PCDH15: variants seen among roughly 807,000 people sequenced by gnomAD.
The protein encoded by PCDH15 is protocadherin-15.
In PCDH15, 129 loss-of-function variants were observed where a neutral mutation model predicts 178.5. The observed-to-expected ratio is 0.72, with a 90% CI of 0.63 to 0.84. The LOEUF is 0.84. PCDH15 is among the 40% of genes least tolerant of loss of function. The pLI is 0.00. For missense variants in PCDH15, 2,230 were observed against 2,099.9 expected (o/e 1.06, Z -1.21); for synonymous variants, 800 against 732.0 (o/e 1.09, Z -1.50).
chr10:55,197,673 T>G (rs1840131235), intron 1 of PCDH15, among the ~76,000 whole-genome samples: 1 of 152,098 alleles, frequency 6.6e-6, no homozygotes, highest in African/African-American at 2.4e-5. Context: ...TTTTTTATCA[T>G]CCACTTCTAC....
chr10:54,684,810 T>TATAGA (rs148213097), intron 1 of PCDH15, among the ~76,000 whole-genome samples: 77,428 of 151,274 alleles, frequency 0.51, 20,572 homozygotes, highest in Non-Finnish European at 0.6. Context: ...TGTTATTTCC[T>TATAGA]ATAGTAGTGT....
intron 1 of PCDH15, among the ~76,000 whole-genome samples, chr10:55,307,250 C>T (rs1040685410): frequency 1.3e-4 from 20 of 151,946 alleles, no homozygotes; most frequent in African/African-American, 4.8e-4. Context: ...CGTCTGTAAT[C>T]CCAGCACTTT....
chr10:55,131,497 C>T (rs1838044612), intron 2 of PCDH15, among the ~76,000 whole-genome samples: 2 of 152,184 alleles, frequency 1.3e-5, no homozygotes, highest in African/African-American at 2.4e-5. Context: ...GTTTGTGTTA[C>T]AGCTCTTTCA....
intron 2 of PCDH15, among the ~76,000 whole-genome samples, chr10:54,936,322 G>A (rs1591794025): frequency 6.6e-6 from 1 of 151,960 alleles, no homozygotes; most frequent in Non-Finnish European, 1.5e-5. Context: ...TGACTATTAT[G>A]AATGACAATG....
chr10:55,538,216 G>A (rs2132071600), intron 2 of PCDH15, among the ~76,000 whole-genome samples: 1 of 152,186 alleles, frequency 6.6e-6, no homozygotes, highest in Non-Finnish European at 1.5e-5. Context: ...GTCACAATGC[G>A]TTTATCAGTT....
chr10:54,103,389 C>T (rs2094848298), intron 15 of PCDH15, among the ~76,000 whole-genome samples: 1 of 152,206 alleles, frequency 6.6e-6, no homozygotes, highest in African/African-American at 2.4e-5. Flanking sequence ...AGCGCCACCA[C>T]TTGGCCCATG....
At chr10:55,049,131 T>G (rs925224392) in intron 2 of PCDH15, among the ~76,000 whole-genome samples, 1 of 151,992 alleles carries the variant, frequency 6.6e-6, no homozygotes, top group African/African-American at 2.4e-5. Context: ...ACTCTTAGTC[T>G]TGTGGTCACA....
chr10:54,109,436 C>T (rs565246415), intron 15 of PCDH15, among the ~76,000 whole-genome samples: 28 of 152,292 alleles, frequency 1.8e-4, no homozygotes, highest in Non-Finnish European at 3.8e-4. Context: ...AGGCATCAAA[C>T]TCTGAATCTG....
At chr10:54,175,895 T>TTACCTATGATAAA (rs1564608392) in intron 13 of PCDH15, among the ~76,000 whole-genome samples, 1 of 152,146 alleles carries the variant, frequency 6.6e-6, no homozygotes, top group East Asian at 1.9e-4. Context: ...GGTATGATAA[T>TTACCTATGATAAA]TACCTATGAT....
intron 2 of PCDH15, among the ~76,000 whole-genome samples, chr10:55,349,244 A>G (rs2131964472): frequency 6.6e-6 from 1 of 152,198 alleles, no homozygotes; most frequent in African/African-American, 2.4e-5. Context: ...ACCTTTCCTA[A>G]TCACCAGTGC....
At chr10:55,204,283 T>C (rs1840333290) in intron 1 of PCDH15, among the ~76,000 whole-genome samples, 1 of 150,414 alleles carries the variant, frequency 6.6e-6, no homozygotes, top group Non-Finnish European at 1.5e-5. Flanking sequence ...GTTTAATGTA[T>C]TGAATTTTAT....
chr10:54,404,798 T>G (rs1952419026), intron 3 of PCDH15, among the ~76,000 whole-genome samples: 2 of 151,916 alleles, frequency 1.3e-5, no homozygotes, highest in African/African-American at 2.4e-5. Context: ...TTTAAGCAAA[T>G]TTTTAAGGAA....
intron 2 of PCDH15, among the ~76,000 whole-genome samples, chr10:55,154,583 CA>C (rs1006175679): frequency 6.6e-6 from 1 of 152,094 alleles, no homozygotes; most frequent in Non-Finnish European, 1.5e-5. Flanking sequence ...GCAGCAGCTA[CA>C]AAGAGGATCA....
intron 2 of PCDH15, among the ~76,000 whole-genome samples, chr10:54,905,753 G>A (rs982290827): frequency 6.6e-6 from 1 of 152,058 alleles, no homozygotes; most frequent in East Asian, 1.9e-4. Context: ...CAAGAACAGG[G>A]GTTGAGATCT....
At chr10:54,995,391 CAAA>C (rs10631856) in intron 2 of PCDH15, among the ~76,000 whole-genome samples, 16 of 125,738 alleles carry the variant, frequency 1.3e-4, no homozygotes, top group Non-Finnish European at 1.8e-4. Context: ...GACTCCGTCT[CAAA>C]AAAAAAAAAA....
intron 2 of PCDH15, among the ~76,000 whole-genome samples, chr10:54,953,124 C>T (rs760102265): frequency 4.0e-5 from 6 of 151,402 alleles, no homozygotes; most frequent in South Asian, 2.1e-4. Context: ...AGCATGTTAG[C>T]GCTAGTTGTT....
At chr10:55,107,459 A>AAATAC (rs1837379915) in intron 2 of PCDH15, among the ~76,000 whole-genome samples, 1 of 151,830 alleles carries the variant, frequency 6.6e-6, no homozygotes, top group Non-Finnish European at 1.5e-5. Context: ...GAAATAGATA[A>AAATAC]AATACAATTA....
intron 3 of PCDH15, among the ~76,000 whole-genome samples, chr10:54,482,293 A>G (rs1459714690): frequency 6.6e-6 from 1 of 151,882 alleles, no homozygotes; most frequent in Admixed American, 6.6e-5. Flanking sequence ...TACACTCTTC[A>G]GTAACAAAAT....
At chr10:55,067,028 T>G (rs1362676933) in intron 2 of PCDH15, among the ~76,000 whole-genome samples, 1 of 151,974 alleles carries the variant, frequency 6.6e-6, no homozygotes, top group African/African-American at 2.4e-5. Flanking sequence ...TCCATAAATA[T>G]GTAAACTATT....
Sources: gnomAD v4.1 joint callset for allele counts (sites outside exome capture counted in the v4.1 genomes callset) on GRCh38, gnomAD v4.1.1 for gene constraint, MANE v1.5 for transcripts, NCBI Gene and HGNC (gene_info 2026-07-23, HGNC 2026-07-21) for gene names.